Variants in FCHSD2 observed in about 807,000 individuals in gnomAD.
The protein encoded by FCHSD2 is F-BAR and double SH3 domains protein 2.
In FCHSD2, 38 loss-of-function variants were observed where a neutral mutation model predicts 108.1. That is an observed-to-expected ratio of 0.35 (90% CI 0.27 to 0.46). The LOEUF (loss-of-function observed/expected upper bound fraction) is 0.46. Ranked by LOEUF, FCHSD2 falls within the 20% of genes least tolerant of loss-of-function variation. FCHSD2 has a pLI of 1.00. For missense variants in FCHSD2, 751 were observed against 897.8 expected, an observed-to-expected ratio of 0.84 and a Z score of 2.09; for synonymous variants, 279 against 314.7, an observed-to-expected ratio of 0.89 and a Z score of 1.20.
At chr11:72,863,902 C>T (rs1591352627) in intron 13 of FCHSD2, among the ~76,000 whole-genome samples, 3 of 152,178 alleles carry the variant, frequency 2.0e-5, no homozygotes, top group African/African-American at 7.2e-5. Context: ...AATGGTATAA[C>T]CACTTTGGAA....
chr11:73,038,589 C>T (rs1858556287), intron 3 of FCHSD2, among the ~76,000 whole-genome samples: 2 of 152,110 alleles, frequency 1.3e-5, no homozygotes, highest in African/African-American at 2.4e-5. Flanking sequence ...AGCAAACTAA[C>T]ACAGAAACAG....
chr11:73,115,116 T>C (rs913529317), intron 2 of FCHSD2, among the ~76,000 whole-genome samples: 1 of 152,222 alleles, frequency 6.6e-6, no homozygotes, highest in African/African-American at 2.4e-5. Flanking sequence ...GGCTGGGAGA[T>C]TCCCCTCTGA....
chr11:73,010,932 ATCT>A (rs1279277927), intron 4 of FCHSD2, among the ~76,000 whole-genome samples: 1 of 151,996 alleles, frequency 6.6e-6, no homozygotes, highest in Non-Finnish European at 1.5e-5. Flanking sequence ...TGATGGGATA[ATCT>A]TCTGGGTCTT....
intron 3 of FCHSD2, among the ~76,000 whole-genome samples, chr11:73,054,134 C>T (rs1349761466): frequency 6.6e-6 from 1 of 151,958 alleles, no homozygotes; most frequent in Non-Finnish European, 1.5e-5. Context: ...TCTATGGCTG[C>T]TTACACTCTA....
At chr11:72,962,470 CTCTGGTA>C (rs1201490601) in intron 8 of FCHSD2, among the ~76,000 whole-genome samples, 6 of 152,086 alleles carry the variant, frequency 3.9e-5, no homozygotes, top group African/African-American at 1.4e-4. Context: ...GTTTGAGAAC[CTCTGGTA>C]TAAGCGATTG....
intron 13 of FCHSD2, among the ~76,000 whole-genome samples, chr11:72,862,869 C>G (rs1434533981): frequency 6.6e-6 from 1 of 152,154 alleles, no homozygotes; most frequent in East Asian, 1.9e-4. Flanking sequence ...CGGCATCAAG[C>G]TGGACAAACA....
intron 9 of FCHSD2, among the ~76,000 whole-genome samples, chr11:72,908,102 A>C (rs1411425297): frequency 6.6e-6 from 1 of 152,200 alleles, no homozygotes; most frequent in Non-Finnish European, 1.5e-5. Context: ...TTAATTTTTT[A>C]ACTCTCACAA....
chr11:73,112,679 C>T (rs1328874487), intron 2 of FCHSD2, among the ~76,000 whole-genome samples: 10 of 152,236 alleles, frequency 6.6e-5, no homozygotes, highest in South Asian at 6.2e-4. Context: ...GACGGTGTCT[C>T]GCTCTGTCGC....
rs760223769 is a variant in FCHSD2 at position 72,984,255 on chromosome 11, T to C, written c.577-39A>G. On this transcript the variant is annotated intron_variant, in intron 7 of 19. Transcript: ENST00000409418. The stretch of plus-strand genomic sequence containing the variant: ...AAATAAAATAATCAGTGCAAACTGA[T>C]ATTGTACTGCAAAACACATAGGAAT... The C allele has an allele frequency of 7.5e-6, 12 of 1,604,744 alleles. No individual in the cohort carries two copies. The South Asian group carries it at 1.2e-4, about 16-fold the overall frequency.
intron 7 of FCHSD2, among the ~76,000 whole-genome samples, chr11:72,984,628 G>C (rs1004089519): frequency 6.6e-6 from 1 of 152,182 alleles, no homozygotes; most frequent in Non-Finnish European, 1.5e-5. Flanking sequence ...TTTGAAGCCT[G>C]GCAGCCACAG....
At chr11:73,062,327 G>A (rs568143852) in intron 3 of FCHSD2, among the ~76,000 whole-genome samples, 1 of 152,254 alleles carries the variant, frequency 6.6e-6, no homozygotes, top group South Asian at 2.1e-4. Context: ...CACAAAGATG[G>A]GGAGAAAGCA....
intron 12 of FCHSD2, among the ~76,000 whole-genome samples, chr11:72,882,534 A>T (rs1427884264): frequency 6.6e-6 from 1 of 152,234 alleles, no homozygotes; most frequent in African/African-American, 2.4e-5. Flanking sequence ...TAACTAGAAG[A>T]TTTGAAATGT....
intron 2 of FCHSD2, among the ~76,000 whole-genome samples, chr11:73,097,018 A>G (rs1353981321): frequency 1.5e-3 from 5 of 3,234 alleles, no homozygotes; most frequent in African/African-American, 2.4e-3. Context: ...TTTTTTTTTG[A>G]TGAGACAGGG....
chr11:72,992,202 CAAGGGATGTG>C (rs1465141834), intron 5 of FCHSD2, among the ~76,000 whole-genome samples: 4 of 152,124 alleles, frequency 2.6e-5, no homozygotes, highest in Non-Finnish European at 5.9e-5. Context: ...ATCCAACTTA[CAAGGGATGTG>C]AAGGACCTCT....
At position 72,961,405 on chromosome 11, in the gene FCHSD2, T is replaced by G. The variant is rs531478548; in HGVS notation, c.705+22683A>C. ...TGCCTGGTTTATTTTTAAGAAGTTT[T>G]TTGTTGTTGTTGTTGTTGTTGTTGT... On this transcript the variant is annotated intron_variant, in intron 8 of 19. Transcript: ENST00000409418. Among the ~76,000 whole-genome samples the G allele has an allele frequency of 2.3e-3, 348 of 151,142 alleles. 2 individuals are homozygous for G. Among genetic ancestry groups the G allele is most frequent in the Admixed American group, 4.7e-3 (71 of 15,170 alleles).
chr11:72,853,054 C>G (rs112187663), intron 13 of FCHSD2, among the ~76,000 whole-genome samples: 2 of 152,238 alleles, frequency 1.3e-5, no homozygotes, highest in South Asian at 4.2e-4. Context: ...GGCTTAGTAC[C>G]TGGGTAGTGA....
At chr11:72,994,359 G>A (rs1857480606) in intron 5 of FCHSD2, among the ~76,000 whole-genome samples, 1 of 151,180 alleles carries the variant, frequency 6.6e-6, no homozygotes, top group Non-Finnish European at 1.5e-5. Flanking sequence ...ATCACATTTA[G>A]TCCTTGAAAC....
At chr11:72,877,683 C>T (rs1854998014) in intron 12 of FCHSD2, among the ~76,000 whole-genome samples, 1 of 152,112 alleles carries the variant, frequency 6.6e-6, no homozygotes, top group Admixed American at 6.6e-5. Context: ...TCTGAAAGTG[C>T]TTAATATATA....
intron 8 of FCHSD2, among the ~76,000 whole-genome samples, chr11:72,938,000 T>A (rs1166972853): frequency 6.6e-6 from 1 of 152,184 alleles, no homozygotes; most frequent in Non-Finnish European, 1.5e-5. Context: ...TAATGCTGGC[T>A]GGAGTCTCTA....
Sources: gnomAD v4.1 joint callset for allele counts (sites outside exome capture counted in the v4.1 genomes callset) on GRCh38, gnomAD v4.1.1 for gene constraint, MANE v1.5 for transcripts, NCBI Gene and HGNC (gene_info 2026-07-23, HGNC 2026-07-21) for gene names.